Variants in PTPRA observed in about 807,000 individuals in gnomAD.
The protein encoded by PTPRA is protein tyrosine phosphatase receptor type A.
A neutral mutation model predicts 104.8 loss-of-function variants in PTPRA; 25 were observed. The ratio of observed to expected loss-of-function variants is 0.24; its 90% CI spans 0.17 to 0.33. The LOEUF (loss-of-function observed/expected upper bound fraction) is 0.33, where lower values mean the gene tolerates loss of function less well. PTPRA is among the 10% of genes least tolerant of loss of function. PTPRA has a pLI of 1.00. For missense variants in PTPRA, 765 were observed against 1,015.3 expected, an observed-to-expected ratio of 0.75 and a Z score of 3.35; for synonymous variants, 323 against 368.9, an observed-to-expected ratio of 0.88 and a Z score of 1.43.
At chr20:2,879,333 G>A (rs2089922745) in intron 1 of PTPRA, among the ~76,000 whole-genome samples, 1 of 152,292 alleles carries the variant, frequency 6.6e-6, no homozygotes, top group Admixed American at 6.5e-5. Flanking sequence ...GTAGGTTTGG[G>A]GTGGGACTTG....
At chr20:2,905,290 A>G (rs1316217076) in intron 1 of PTPRA, among the ~76,000 whole-genome samples, 2 of 152,204 alleles carry the variant, frequency 1.3e-5, no homozygotes, top group African/African-American at 2.4e-5. Context: ...CTGATAATAG[A>G]GTATATATAA....
upstream of PTPRA, among the ~76,000 whole-genome samples, chr20:2,869,362 A>G (rs1047334718): frequency 6.6e-6 from 1 of 152,140 alleles, no homozygotes; most frequent in Non-Finnish European, 1.5e-5. Context: ...ATCTACATAC[A>G]TTGCAATCCA....
chr20:2,944,777 T>A (rs2061063335), intron 2 of PTPRA, among the ~76,000 whole-genome samples: 1 of 152,230 alleles, frequency 6.6e-6, no homozygotes, highest in African/African-American at 2.4e-5. Flanking sequence ...AAATTGTTTT[T>A]AAATAATTAT....
chr20:2,993,168 A>G (rs543338812), intron 9 of PTPRA, among the ~76,000 whole-genome samples: 2 of 152,344 alleles, frequency 1.3e-5, no homozygotes, highest in South Asian at 4.1e-4. Context: ...TGCAAGGATA[A>G]GGTATCTGCT....
intron 11 of PTPRA, among the ~76,000 whole-genome samples, chr20:3,009,942 G>C (rs754331155): frequency 1.3e-5 from 2 of 151,556 alleles, no homozygotes; most frequent in Non-Finnish European, 2.9e-5. Flanking sequence ...TCTGCCTCCC[G>C]GGCTCAAGCG....
At chr20:3,016,026 C>A (rs2064429863) in intron 12 of PTPRA, 141 bp downstream of exon 12, 1 of 799,680 alleles carries the variant, frequency 1.3e-6, no homozygotes, top group East Asian at 2.7e-5. Context: ...AATTATAATC[C>A]ATTATACAGG....
chr20:2,994,816 C>G (rs752512049), intron 9 of PTPRA, among the ~76,000 whole-genome samples: 2 of 152,192 alleles, frequency 1.3e-5, no homozygotes, highest in Non-Finnish European at 2.9e-5. Context: ...GTTCTTTTGA[C>G]CATACCATAA....
intron 2 of PTPRA, among the ~76,000 whole-genome samples, chr20:2,928,275 A>G (rs1056259980): frequency 6.6e-6 from 1 of 151,996 alleles, no homozygotes; most frequent in African/African-American, 2.4e-5. Flanking sequence ...AGCTGGGACT[A>G]TAGGCGCCTG....
intron 11 of PTPRA, among the ~76,000 whole-genome samples, chr20:3,012,335 A>G (rs1345055575): frequency 6.6e-6 from 1 of 152,232 alleles, no homozygotes; most frequent in Non-Finnish European, 1.5e-5. Flanking sequence ...GAGGGTTGAC[A>G]AGGAAGCGGC....
chr20:2,910,381 T>G (rs1250824428), intron 1 of PTPRA, among the ~76,000 whole-genome samples: 6 of 78,860 alleles, frequency 7.6e-5, no homozygotes, highest in African/African-American at 3.3e-4. Flanking sequence ...ATTTTGTATA[T>G]TATATATTTT....
chr20:2,991,047 T>C (rs1268125751), intron 9 of PTPRA, among the ~76,000 whole-genome samples: 4 of 152,184 alleles, frequency 2.6e-5, no homozygotes, highest in African/African-American at 4.8e-5. Context: ...ATGTTCATTA[T>C]TGATTGATAA....
chr20:3,032,511 T>C (rs574694877), intron 20 of PTPRA, among the ~76,000 whole-genome samples: 3 of 152,170 alleles, frequency 2.0e-5, no homozygotes, highest in Non-Finnish European at 2.9e-5. Flanking sequence ...CTCACGCCTG[T>C]AATCCCAGCA....
intron 3 of PTPRA, among the ~76,000 whole-genome samples, chr20:2,958,660 A>T (rs1380950436): frequency 9.1e-5 from 5 of 54,956 alleles, no homozygotes; most frequent in Non-Finnish European, 1.1e-4. Context: ...ATCTCTACTA[A>T]AAAAAAAAAA....
chr20:3,036,440 A>G (rs1163125824), intron 22 of PTPRA, among the ~76,000 whole-genome samples: 1 of 152,248 alleles, frequency 6.6e-6, no homozygotes, highest in Non-Finnish European at 1.5e-5. Context: ...GTCCCTGGCC[A>G]GGGCCGGGAG....
chr20:3,037,419 A>G lies in PTPRA; in HGVS notation c.2334+130A>G. On this transcript the variant is annotated intron_variant, in intron 23 of 23. Coordinates refer to ENST00000399903, the MANE Select transcript of PTPRA (RefSeq NM_001385305.1). The surrounding 1 kb of genome is among the most constrained non-coding windows in gnomAD (Gnocchi z 4.3). The stretch of plus-strand genomic sequence containing the variant: ...AACACAGACCTGCCCTTGCCCTCCC[A>G]AGGTGCCCCAAATACACAGGAAACA... 7.2e-7 allele frequency: 1 copy of G among 1,393,564 alleles called. No individual in the cohort carries two copies. Among genetic ancestry groups the G allele is most frequent in the Non-Finnish European group, 9.7e-7 (1 of 1,032,286 alleles). 86.3% of individuals were successfully genotyped at this position (1,393,564 alleles called of 1,614,324 possible).
At chr20:3,003,700 ATTTT>A (rs59358849) in intron 9 of PTPRA, among the ~76,000 whole-genome samples, 8 of 105,540 alleles carry the variant, frequency 7.6e-5, no homozygotes, top group Admixed American at 3.9e-4. Context: ...ATACCTGGCT[ATTTT>A]TTTTTTTTTT....
intron 1 of PTPRA, among the ~76,000 whole-genome samples, chr20:2,892,289 CAAAAAAAAAAAA>C (rs34741114): frequency 3.7e-5 from 3 of 80,572 alleles, no homozygotes; most frequent in African/African-American, 1.5e-4. Flanking sequence ...GACTCTGTCT[CAAAAAAAAAAAA>C]AAAAAAAAAG....
At chr20:2,923,129 TG>T in intron 1 of PTPRA, 77 bp from the exon 2 acceptor site, 1 of 546,618 alleles carries the variant, frequency 1.8e-6, no homozygotes, top group Non-Finnish European at 2.6e-6. Flanking sequence ...TTGCCTAGGC[TG>T]GGCTTGAATT....
chr20:2,866,641 A>C, the PTPRA span: 5 of 1,592,276 alleles, frequency 3.1e-6, no homozygotes, highest in Non-Finnish European at 4.3e-6. Flanking sequence ...CAGAAGGGCC[A>C]TAGTTCATCC....
Sources: allele counts gnomAD v4.1 joint callset (sites outside exome capture counted in the v4.1 genomes callset), GRCh38; gene constraint gnomAD v4.1.1; non-coding constraint Gnocchi (gnomAD v3.1); transcripts MANE v1.5; gene names NCBI Gene and HGNC (gene_info 2026-07-23, HGNC 2026-07-21).